PLD5: variants seen among roughly 807,000 people sequenced by gnomAD.
The protein encoded by PLD5 is inactive phospholipase D5.
PLD5 carries 36 observed loss-of-function variants against 61.1 expected under a neutral mutation model. The observed-to-expected ratio is 0.59, with a 90% CI of 0.45 to 0.78. The LOEUF is 0.78. PLD5 is among the 30% of genes least tolerant of loss of function. The pLI is 0.00. For missense variants in PLD5, 515 were observed against 644.4 expected (o/e 0.80, Z 2.17); for synonymous variants, 243 against 242.8 (o/e 1.00, Z -0.01).
chr1:242,305,131 C>T (rs1676275326), intron 2 of PLD5, among the ~76,000 whole-genome samples: 1 of 152,094 alleles, frequency 6.6e-6, no homozygotes, highest in Non-Finnish European at 1.5e-5. Context: ...ATAATTGTGA[C>T]TTAAATCTAT....
chr1:242,460,145 T>C (rs1412572106), intron 1 of PLD5, among the ~76,000 whole-genome samples: 3 of 152,326 alleles, frequency 2.0e-5, no homozygotes, highest in Non-Finnish European at 2.9e-5. Context: ...TATCTCTGTA[T>C]ACTGTACTTC....
chr1:242,202,868 A>G (rs917379012), intron 5 of PLD5, among the ~76,000 whole-genome samples: 1 of 152,098 alleles, frequency 6.6e-6, no homozygotes, highest in Non-Finnish European at 1.5e-5. Flanking sequence ...CTCCGACACC[A>G]AGCAGAGATT....
chr1:242,150,005 T>G (rs1664817343), intron 5 of PLD5, among the ~76,000 whole-genome samples: 1 of 151,836 alleles, frequency 6.6e-6, no homozygotes, highest in Non-Finnish European at 1.5e-5. Context: ...CTGCTTTAGT[T>G]GCAACCAAAA....
intron 4 of PLD5, among the ~76,000 whole-genome samples, chr1:242,241,585 G>T (rs1201761600): frequency 2.0e-5 from 3 of 151,948 alleles, no homozygotes; most frequent in Non-Finnish European, 4.4e-5. Flanking sequence ...GCCAAAATCT[G>T]CCACTGTGTT....
At chr1:242,109,505 C>CA (rs1298917627) in intron 7 of PLD5, among the ~76,000 whole-genome samples, 2 of 152,036 alleles carry the variant, frequency 1.3e-5, no homozygotes, top group Non-Finnish European at 2.9e-5. Context: ...TGCCACCCCC[C>CA]ACAAAAATCC....
intron 5 of PLD5, among the ~76,000 whole-genome samples, chr1:242,191,701 G>C (rs80250692): frequency 5.5e-4 from 83 of 152,252 alleles, no homozygotes; most frequent in Non-Finnish European, 1.1e-3. Flanking sequence ...GATTAGGACA[G>C]ATAGAATGCT....
chr1:242,351,682 C>T (rs1170408734), intron 1 of PLD5, among the ~76,000 whole-genome samples: 1 of 152,166 alleles, frequency 6.6e-6, no homozygotes, highest in East Asian at 1.9e-4. Flanking sequence ...TGAGAACAGA[C>T]TAATACAGCA....
At position 242,501,374 on chromosome 1, in the gene PLD5, T is replaced by C. The variant is rs751585853; in HGVS notation, c.189+22714A>G. Among the ~76,000 whole-genome samples, 76 of 152,334 alleles carry C rather than the reference T, an allele frequency of 5.0e-4. 1 individual carries two copies. The highest frequency in any genetic ancestry group is 6.8e-3 in the Middle Eastern group (2 of 294). ...CTGAGTACAGGACACACTTCTCCTC[T>C]GTAATAATGAAAATTACAGAAATAT... On this transcript the variant is annotated intron_variant, in intron 1 of 9. Transcript: ENST00000536534.
intron 2 of PLD5, among the ~76,000 whole-genome samples, chr1:242,345,390 G>A (rs1660073002): frequency 6.6e-6 from 1 of 152,316 alleles, no homozygotes; most frequent in South Asian, 2.1e-4. Context: ...TTGCTTGCTG[G>A]CAGGTAGGTG....
In PLD5 at chr1:242,148,062, T is replaced by A. The variant is rs1417595673; in HGVS notation, c.736-23397A>T. ...TCCATCCTTTCCCTTATAGATCATG[T>A]TTTGAAAATTTTAAGCTAAGAAATC... is the stretch of plus-strand genomic sequence containing the variant. On this transcript the variant is annotated intron_variant, in intron 5 of 9. Transcript: ENST00000536534. 2.6e-5 allele frequency among the ~76,000 whole-genome samples: 4 copies of A among 152,088 alleles called. No homozygotes were observed. The East Asian group carries it at 7.7e-4, about 29-fold the overall frequency.
intron 9 of PLD5, among the ~76,000 whole-genome samples, chr1:242,098,080 G>A (rs1232644675): frequency 2.0e-5 from 3 of 152,116 alleles, no homozygotes; most frequent in Admixed American, 2.0e-4. Flanking sequence ...GGCATTCTCT[G>A]TATTTCCTGA....
chr1:242,102,404 C>T (rs949542824), intron 8 of PLD5, among the ~76,000 whole-genome samples: 1 of 152,168 alleles, frequency 6.6e-6, no homozygotes, highest in Non-Finnish European at 1.5e-5. Context: ...GTTTTATTCA[C>T]TGGTATTATT....
chr1:242,256,940 C>T lies in PLD5; in HGVS notation c.607+8397G>A, dbSNP rs1361377670. Among the ~76,000 whole-genome samples the T allele has an allele frequency of 6.6e-6, 1 of 151,012 alleles. No homozygotes were observed. Among genetic ancestry groups the T allele is most frequent in the East Asian group, 1.9e-4 (1 of 5,140 alleles). On this transcript the variant is annotated intron_variant, in intron 4 of 9. Transcript: ENST00000536534. The surrounding 1 kb of genome is among the most constrained non-coding windows in gnomAD (Gnocchi z 5.7). ...CTATCTATCTATCTATCTAATCTATCTCTACCTACTGTCTTCTATCTATAT... is the reference window on the plus strand; with the variant it reads ...CTATCTATCTATCTATCTAATCTATTTCTACCTACTGTCTTCTATCTATAT...
chr1:242,149,584 T>C (rs1664783295), intron 5 of PLD5, among the ~76,000 whole-genome samples: 1 of 151,564 alleles, frequency 6.6e-6, no homozygotes, highest in Non-Finnish European at 1.5e-5. Context: ...AATTCATCAG[T>C]GAAACCATCT....
intron 6 of PLD5, among the ~76,000 whole-genome samples, 180 bp from the exon 7 acceptor site, chr1:242,114,206 G>A (rs1242568251): frequency 6.6e-6 from 1 of 152,182 alleles, no homozygotes; most frequent in Non-Finnish European, 1.5e-5. Context: ...AGATCAAAGT[G>A]TGGTAGGATG....
At chr1:242,211,711 T>G (rs1210971099) in intron 5 of PLD5, among the ~76,000 whole-genome samples, 2 of 152,138 alleles carry the variant, frequency 1.3e-5, no homozygotes, top group African/African-American at 2.4e-5. Context: ...AGGATCACGA[T>G]GGACCCCCCG....
intron 2 of PLD5, among the ~76,000 whole-genome samples, chr1:242,322,153 C>T (rs188591858): frequency 7.2e-5 from 11 of 152,268 alleles, no homozygotes; most frequent in East Asian, 1.9e-4. Flanking sequence ...AAGGCAGAGC[C>T]GGGGCTTCAC....
intron 1 of PLD5, among the ~76,000 whole-genome samples, chr1:242,357,774 A>G (rs1174690704): frequency 6.6e-6 from 1 of 152,078 alleles, no homozygotes; most frequent in Non-Finnish European, 1.5e-5. Context: ...GACATGAGCC[A>G]CTGTGCCTGG....
chr1:242,164,006 A>AAGTT (rs1272718788), intron 5 of PLD5, among the ~76,000 whole-genome samples: 1 of 152,138 alleles, frequency 6.6e-6, no homozygotes, highest in East Asian at 1.9e-4. Context: ...AATTTTGGCA[A>AAGTT]AGTTAGTTTG....
Sources: allele counts gnomAD v4.1 joint callset (sites outside exome capture counted in the v4.1 genomes callset), GRCh38; gene constraint gnomAD v4.1.1; non-coding constraint Gnocchi (gnomAD v3.1); transcripts MANE v1.5; gene names NCBI Gene and HGNC (gene_info 2026-07-23, HGNC 2026-07-21).